The following EIF2B5 variants were observed in gnomAD, a reference collection of about 807,000 sequenced individuals.
EIF2B5 encodes translation initiation factor eIF2B subunit epsilon.
A neutral mutation model predicts 87.3 loss-of-function variants in EIF2B5; 38 were observed. The observed-to-expected ratio is 0.44, with a 90% CI of 0.34 to 0.57. The LOEUF is 0.57. Among genes scored for constraint, EIF2B5 ranks in the 20% least tolerant of loss-of-function variants. EIF2B5 has a pLI of 0.02. For synonymous variants in EIF2B5, 313 were observed against 339.6 expected, an observed-to-expected ratio of 0.92 and a Z score of 0.86; for missense variants, 784 against 909.5, an observed-to-expected ratio of 0.86 and a Z score of 1.78.
At chr3:184,141,464 G>T (rs1713631151) in intron 7 of EIF2B5, among the ~76,000 whole-genome samples, 1 of 152,140 alleles carries the variant, frequency 6.6e-6, no homozygotes. Context: ...AGCTATTCGG[G>T]AGGCTGAGGC....
chr3:184,144,763 C>G, intron 15 of EIF2B5, 56 bp downstream of exon 15: 1 of 1,584,118 alleles, frequency 6.3e-7, no homozygotes, highest in South Asian at 1.1e-5. Flanking sequence ...CAGGTCCTGG[C>G]CCCTAGACTC....
chr3:184,136,820 GA>G, intron 2 of EIF2B5, 84 bp downstream of exon 2: 1 of 1,589,446 alleles, frequency 6.3e-7, no homozygotes, highest in Non-Finnish European at 8.6e-7. Flanking sequence ...GGAAATGTGA[GA>G]GGGGAAAAAT....
At chr3:184,143,750 G>T in intron 13 of EIF2B5, 185 bp downstream of exon 13, 1 of 846,472 alleles carries the variant, frequency 1.2e-6, no homozygotes, top group Non-Finnish European at 1.9e-6. Flanking sequence ...ATACTGACTG[G>T]CCTTTGAGAC....
chr3:184,143,085 G>A lies in EIF2B5; in HGVS notation c.1688G>A (p.Arg563Gln), dbSNP rs1290134782. The change falls in exon 12 of 16, where the codon CGG becomes CAG. Residue 563 changes from arginine to glutamine, a missense_variant. Arg to Gln is a conservative substitution (Grantham distance 43, BLOSUM62 1). Coordinates refer to ENST00000648915, the MANE Select transcript of EIF2B5 (RefSeq NM_003907.3). The stretch of plus-strand genomic sequence containing the variant: ...AATGAAGTTTTAGGAACACTACAGC[G>A]GGGCAAAGAGGAGAACATTTCTTGT... ...FQNEVLGTLQ[R>Q]GKEENISCDN... is the part of the protein sequence containing the mutation. The A allele has an allele frequency of 3.7e-6, 6 of 1,613,768 alleles. No individual in the cohort carries two copies. Among genetic ancestry groups the A allele is most frequent in the Admixed American group, 3.3e-5 (2 of 59,958 alleles).
rs758477921 is a variant in EIF2B5, at chr3:184,140,664, T to C, written c.1090T>C (p.Ser364Pro). 9.9e-6 allele frequency: 16 copies of C among 1,614,066 alleles called. No homozygotes were observed. Among genetic ancestry groups the C allele is most frequent in the South Asian group, 4.4e-5 (4 of 91,086 alleles). The change falls in exon 7 of 16, where the codon TCT becomes CCT. Residue 364 changes from serine (S) to proline (P), a missense_variant. Ser to Pro is a moderately conservative substitution (Grantham distance 74). This residue lies in a region of EIF2B5 where 660 missense variants were observed against 789.5 expected (regional missense o/e 0.84). Coordinates refer to ENST00000648915, the MANE Select transcript of EIF2B5 (RefSeq NM_003907.3). Reference protein sequence around the residue: ...SILEENVLLGSGTVIGSNCFI... With the variant: ...SILEENVLLGPGTVIGSNCFI... The stretch of plus-strand genomic sequence containing the variant: ...CCTAGAGGAAAATGTGCTCCTGGGC[T>C]CTGGCACTGTCATTGGCAGCAATTG...
intron 1 of EIF2B5, 131 bp downstream of exon 1, chr3:184,135,711 G>T: frequency 7.7e-7 from 1 of 1,291,474 alleles, no homozygotes; most frequent in Non-Finnish European, 1.1e-6. Context: ...AAAACCGGAT[G>T]CAGAGGGACT....
intron 2 of EIF2B5, 198 bp downstream of exon 2, chr3:184,136,934 C>G: frequency 1.4e-6 from 1 of 729,374 alleles, no homozygotes; most frequent in Non-Finnish European, 2.2e-6. Flanking sequence ...TTTTCTGTGA[C>G]AAAGATTAAA....
At position 184,144,509 on chromosome 3, in the gene EIF2B5, T is replaced by C. The variant is rs1218132708; in HGVS notation, c.1996-88T>C. 1.5e-5 allele frequency: 18 copies of C among 1,234,456 alleles called. 1 individual carries two copies. Among genetic ancestry groups the C allele is most frequent in the Non-Finnish European group, 1.9e-5 (16 of 845,024 alleles). 76.5% of individuals were successfully genotyped at this position (1,234,456 alleles called of 1,614,324 possible). On this transcript the variant is annotated intron_variant, in intron 14 of 15. Coordinates refer to ENST00000648915, the MANE Select transcript of EIF2B5 (RefSeq NM_003907.3). ...TCTTGTCCGTTTTGGAGGAGGCTAC[T>C]CAGTGCATAGAGGGATCTGAGGGCC...
Position 184,143,142 on chromosome 3 carries a change from A to G in EIF2B5, c.1745A>G (p.Lys582Arg). The G allele has an allele frequency of 6.2e-7, 1 of 1,612,916 alleles. No individual in the cohort carries two copies. Among genetic ancestry groups the G allele is most frequent in the Non-Finnish European group, 8.5e-7 (1 of 1,179,522 alleles). The change falls in exon 12 of 16, where the codon AAG becomes AGG. Residue 582 changes from lysine to arginine, a missense_variant and splice_region_variant. Physicochemically the swap from Lys to Arg is conservative, Grantham distance 26 (BLOSUM62 2). Transcript: ENST00000648915. Reference sequence around the variant, plus strand: ...CTCGTCCTGGAAATCAACTCTCTCAAGTAAGAGCAGCCCCTCCCTGTTCTC... The same window carrying G: ...CTCGTCCTGGAAATCAACTCTCTCAGGTAAGAGCAGCCCCTCCCTGTTCTC... ...DNLVLEINSLKYAYNISLKEV... is the reference protein window; with the variant it reads ...DNLVLEINSLRYAYNISLKEV...
chr3:184,137,508 C>CA, intron 2 of EIF2B5, 112 bp from the exon 3 acceptor site: 1 of 1,105,818 alleles, frequency 9.0e-7, no homozygotes, highest in South Asian at 1.3e-5. Flanking sequence ...GGCAAGAACC[C>CA]AAAAAAGCCA....
chr3:184,142,373 T>G lies in EIF2B5; in HGVS notation c.1439T>G (p.Met480Arg). Residue 480 changes from methionine to arginine, a missense_variant, in exon 9 of 16, where the codon ATG becomes AGG. By Grantham distance (91) the Met-to-Arg change is moderately conservative. Transcript: ENST00000648915. The surrounding 1 kb of genome is among the most constrained non-coding windows in gnomAD (Gnocchi z 5.0). The stretch of plus-strand genomic sequence containing the variant: ...GACCAAGAAAAGGACAAAGTGAAGA[T>G]GAAAGGTGTGAGACTCAACAGGTGT... Reference protein sequence around the residue: ...GADQEKDKVKMKGYNPAEVGA... With the variant: ...GADQEKDKVKRKGYNPAEVGA... 1.2e-6 allele frequency: 2 copies of G among 1,614,142 alleles called. No homozygotes were observed. Among genetic ancestry groups the G allele is most frequent in the Non-Finnish European group, 1.7e-6 (2 of 1,180,022 alleles).
chr3:184,135,379 G>C lies in EIF2B5; in HGVS notation c.-7G>C, dbSNP rs1713294912. 2 of 1,574,788 alleles carry C rather than the reference G, an allele frequency of 1.3e-6. No homozygotes were observed. Among genetic ancestry groups the C allele is most frequent in the East Asian group, 2.3e-5 (1 of 43,806 alleles). On this transcript the variant is annotated 5_prime_UTR_variant, in exon 1 of 16. Transcript: ENST00000648915. The stretch of plus-strand genomic sequence containing the variant: ...CCTTGCGGAAGTGGTGACCGTGAGA[G>C]AAGAAGATGGCGGCCCCTGTAGTGG...
chr3:184,143,848 CA>C (rs1237311214), intron 13 of EIF2B5: 1 of 683,040 alleles, frequency 1.5e-6, no homozygotes, highest in Admixed American at 2.7e-5. Flanking sequence ...TTTGACCCAA[CA>C]CAAGATCAGC....
At chr3:184,138,455 C>G (rs926282430) in intron 5 of EIF2B5, among the ~76,000 whole-genome samples, 3 of 151,894 alleles carry the variant, frequency 2.0e-5, no homozygotes, top group Non-Finnish European at 4.4e-5. Flanking sequence ...CTCCTAGGTT[C>G]AAGTGATTCT....
chr3:184,139,680 G>A (rs1713532752), intron 5 of EIF2B5, among the ~76,000 whole-genome samples: 1 of 151,546 alleles, frequency 6.6e-6, no homozygotes, highest in Non-Finnish European at 1.5e-5. Context: ...GCTGTCATAG[G>A]GTTTGCTAGG....
At position 184,135,445 on chromosome 3, in the gene EIF2B5, C is replaced by A; in HGVS notation, c.60C>A (p.Ser20Arg). Residue 20 changes from serine (S) to arginine (R), a missense_variant, in exon 1 of 16, where the codon AGC (serine) becomes AGA (arginine). By Grantham distance (110) the Ser-to-Arg change is moderately radical (BLOSUM62 -1). Transcript: ENST00000648915. ...GVVVSRANKR[S>R]GAGPGGSGGG... ...TGGTTAGTCGGGCTAACAAGCGCAG[C>A]GGCGCGGGGCCGGGAGGCAGCGGTG... 1 of 1,580,548 alleles carries A rather than the reference C, an allele frequency of 6.3e-7. No homozygotes were observed. Among genetic ancestry groups the A allele is most frequent in the Non-Finnish European group, 8.6e-7 (1 of 1,164,442 alleles).
Position 184,144,131 on chromosome 3 carries a change from C to T in EIF2B5, c.1902C>T (p.Asn634=). 1 of 1,614,224 alleles carries T rather than the reference C, an allele frequency of 6.2e-7. No individual in the cohort carries two copies. Among genetic ancestry groups the T allele is most frequent in the Admixed American group, 1.7e-5 (1 of 60,020 alleles). Residue 634 remains asparagine, a synonymous_variant, in exon 14 of 16, where the codon AAC becomes AAT. Transcript: ENST00000648915. ...AGGCCTGGAGCCCTGTTTTTAGGAA[C>T]TACATAAAGCGCGCAGCCGACCATT... ...LLKAWSPVFR[N]YIKRAADHLE...
At chr3:184,144,842 T>A in intron 15 of EIF2B5, 42 bp from the exon 16 acceptor site, 2 of 1,608,550 alleles carry the variant, frequency 1.2e-6, no homozygotes, top group Non-Finnish European at 1.7e-6. Context: ...AGGAGAGTTA[T>A]GTGCACCTCC....
chr3:184,137,462 T>TTA, intron 2 of EIF2B5, 158 bp from the exon 3 acceptor site: 1 of 711,390 alleles, frequency 1.4e-6, no homozygotes. Context: ...AAAGCATTCA[T>TTA]TATAGTTCAT....
Sources: allele counts gnomAD v4.1 joint callset (sites outside exome capture counted in the v4.1 genomes callset), GRCh38; gene constraint gnomAD v4.1.1; regional missense constraint gnomAD v4.1.1; non-coding constraint Gnocchi (gnomAD v3.1); transcripts MANE v1.5; gene names NCBI Gene and HGNC (gene_info 2026-07-23, HGNC 2026-07-21).